Variants in FBXO38 observed in about 807,000 individuals in gnomAD.
FBXO38 encodes the protein F-box only protein 38.
FBXO38 carries 53 observed loss-of-function variants against 131.9 expected under a neutral mutation model. That is an observed-to-expected ratio of 0.40 (90% CI 0.32 to 0.51). The LOEUF (loss-of-function observed/expected upper bound fraction) is 0.51. Among genes scored for constraint, FBXO38 ranks in the 20% least tolerant of loss-of-function variants. FBXO38 has a pLI of 0.53. For missense variants in FBXO38, 1,076 were observed against 1,475.6 expected (o/e 0.73, Z 4.44); for synonymous variants, 452 against 505.6 (o/e 0.89, Z 1.42).
chr5:148,408,432 T>C (rs1752559449), intron 7 of FBXO38, among the ~76,000 whole-genome samples: 1 of 152,216 alleles, frequency 6.6e-6, no homozygotes, highest in African/African-American at 2.4e-5. Flanking sequence ...AGATTGTTCA[T>C]AGAAGCACTG....
chr5:148,389,573 G>A (rs557347982), intron 1 of FBXO38, among the ~76,000 whole-genome samples: 92 of 152,244 alleles, frequency 6.0e-4, no homozygotes, highest in Non-Finnish European at 1.2e-3. Flanking sequence ...GCATTACTGA[G>A]TTTCTCAAGT....
At chr5:148,439,857 C>G in intron 19 of FBXO38, 65 bp downstream of exon 19, 1 of 1,497,990 alleles carries the variant, frequency 6.7e-7, no homozygotes, top group African/African-American at 1.4e-5. Flanking sequence ...CTCCCAGAAG[C>G]AAATCCCAAT....
intron 13 of FBXO38, 107 bp from the exon 14 acceptor site, chr5:148,425,415 T>C: frequency 1.2e-6 from 1 of 836,922 alleles, no homozygotes; most frequent in Non-Finnish European, 1.9e-6. Context: ...GGAGGCTGTA[T>C]AGAGCCACAA....
chr5:148,384,241 G>A (rs894797776), intron 1 of FBXO38, among the ~76,000 whole-genome samples: 6 of 152,190 alleles, frequency 3.9e-5, no homozygotes, highest in Non-Finnish European at 7.3e-5. Context: ...CCGTGCTTGC[G>A]GGGGTTGCCT....
rs775819414 is a variant in FBXO38, at chr5:148,423,992, T to C, written c.1619-6T>C. ...GGTTTTTACTTTGTGTATATTTTCG[T>C]TGAAGCATTAAATGAGATGGAAGAC... On this transcript the variant is annotated splice_polypyrimidine_tract_variant and splice_region_variant and intron_variant, in intron 12 of 21. Transcript: ENST00000340253. The C allele has an allele frequency of 8.1e-6, 13 of 1,607,208 alleles. No homozygotes were observed. The Admixed American group carries it at 2.1e-4, about 25-fold the overall frequency.
intron 12 of FBXO38, among the ~76,000 whole-genome samples, chr5:148,420,697 A>C (rs1433236662): frequency 1.3e-5 from 2 of 152,182 alleles, no homozygotes; most frequent in Non-Finnish European, 2.9e-5. Flanking sequence ...ATTGCTCTGC[A>C]GCTTTATTTA....
intron 14 of FBXO38, among the ~76,000 whole-genome samples, chr5:148,426,889 C>A (rs1417268428): frequency 6.6e-6 from 1 of 152,042 alleles, no homozygotes; most frequent in African/African-American, 2.4e-5. Flanking sequence ...GAACAAAGCC[C>A]CTGAGGTAGT....
chr5:148,403,370 G>A (rs1306965736), intron 5 of FBXO38, among the ~76,000 whole-genome samples: 1 of 152,030 alleles, frequency 6.6e-6, no homozygotes, highest in Non-Finnish European at 1.5e-5. Context: ...CAGGAGAATG[G>A]GCAGTTATGT....
intron 15 of FBXO38, 138 bp from the exon 16 acceptor site, chr5:148,433,286 T>C (rs570455204): frequency 1.6e-6 from 1 of 618,050 alleles, no homozygotes; most frequent in South Asian, 2.0e-5. Context: ...GAAATACCAA[T>C]GTAACTGTAT....
intron 8 of FBXO38, among the ~76,000 whole-genome samples, chr5:148,409,991 A>C (rs1460698203): frequency 6.6e-6 from 1 of 152,222 alleles, no homozygotes; most frequent in African/African-American, 2.4e-5. Context: ...ACTTGAAAGG[A>C]TATAAGATTC....
intron 1 of FBXO38, among the ~76,000 whole-genome samples, chr5:148,393,972 C>T (rs375663356): frequency 2.0e-5 from 3 of 152,132 alleles, no homozygotes; most frequent in Admixed American, 2.0e-4. Context: ...CATTCCTCCT[C>T]TCTCCCCTCT....
chr5:148,430,224 G>A (rs2113638426), intron 15 of FBXO38: 1 of 148,708 alleles, frequency 6.7e-6, no homozygotes, highest in South Asian at 2.1e-4. Context: ...ACACCATCTT[G>A]GCTCACTGCA....
At chr5:148,410,561 A>G in intron 8 of FBXO38, 74 bp from the exon 9 acceptor site, 4 of 1,547,800 alleles carry the variant, frequency 2.6e-6, no homozygotes, top group Admixed American at 3.6e-5. Context: ...GGACTAATAC[A>G]CTTATATTAG....
At chr5:148,433,200 A>G (rs1284835571) in intron 15 of FBXO38, 2 of 430,882 alleles carry the variant, frequency 4.6e-6, no homozygotes, top group Non-Finnish European at 8.4e-6. Flanking sequence ...TGACCTAGGC[A>G]TGAGAAGGGT....
chr5:148,403,415 G>T (rs1163670427), intron 5 of FBXO38, among the ~76,000 whole-genome samples: 1 of 151,942 alleles, frequency 6.6e-6, no homozygotes, highest in Admixed American at 6.6e-5. Flanking sequence ...GACAGAAAGT[G>T]GTTTGGGCCT....
intron 1 of FBXO38, among the ~76,000 whole-genome samples, chr5:148,393,188 G>GGGGGTGTGTGTGT (rs1420907423): frequency 7.9e-6 from 1 of 127,082 alleles, no homozygotes; most frequent in South Asian, 2.8e-4. Context: ...ACAGAAGAGG[G>GGGGGTGTGTGTGT]GTGTGTGTGT....
At chr5:148,429,397 C>T (rs560771761) in intron 15 of FBXO38, among the ~76,000 whole-genome samples, 11 of 151,610 alleles carry the variant, frequency 7.3e-5, no homozygotes, top group Non-Finnish European at 1.5e-4. Context: ...TGTCCATTCT[C>T]GTGCTATGAT....
chr5:148,431,201 A>G (rs1320353106), intron 15 of FBXO38, among the ~76,000 whole-genome samples: 1 of 152,208 alleles, frequency 6.6e-6, no homozygotes, highest in Non-Finnish European at 1.5e-5. Flanking sequence ...AAACCATCAT[A>G]TGAGGTATTG....
At chr5:148,433,187 G>T in intron 15 of FBXO38, 1 of 374,278 alleles carries the variant, frequency 2.7e-6, no homozygotes, top group Non-Finnish European at 4.9e-6. Context: ...TAGATTATTA[G>T]GATGACCTAG....
Sources: allele counts gnomAD v4.1 joint callset (sites outside exome capture counted in the v4.1 genomes callset), GRCh38; gene constraint gnomAD v4.1.1; transcripts MANE v1.5; gene names NCBI Gene and HGNC (gene_info 2026-07-23, HGNC 2026-07-21).